The following SERINC5 variants were observed in gnomAD, a reference collection of about 807,000 sequenced individuals.
SERINC5 encodes chromosome 5 open reading frame 12.
A neutral mutation model predicts 63.1 loss-of-function variants in SERINC5; 41 were observed. The ratio of observed to expected loss-of-function variants is 0.65; its 90% confidence interval spans 0.51 to 0.84. SERINC5 has a LOEUF of 0.84. Ranked by LOEUF, SERINC5 falls within the 40% of genes least tolerant of loss-of-function variation. The pLI is 0.00. For synonymous variants in SERINC5, 222 were observed against 215.2 expected (o/e 1.03, Z -0.28); for missense variants, 523 against 573.0 (o/e 0.91, Z 0.89).
chr5:80,158,049 A>C (rs746421880), intron 8 of SERINC5: 3 of 152,186 alleles, frequency 2.0e-5, no homozygotes, highest in Non-Finnish European at 2.9e-5. Flanking sequence ...AATTCAATGG[A>C]ATTGAATTTT....
In SERINC5 at chr5:80,169,328, T is replaced by C. The variant is rs1433615586; in HGVS notation, c.763+7A>G. ...AAGTAACGAAGAATGGAAAAAAACA[T>C]GCTTACGATTTTGGACCCAGGGTGA... On this transcript the variant is annotated splice_region_variant and intron_variant, in intron 6 of 11. Coordinates refer to ENST00000507668, the MANE Select transcript of SERINC5 (RefSeq NM_001174072.3). 4.3e-6 allele frequency: 7 copies of C among 1,610,974 alleles called. No individual in the cohort carries two copies. The African/African-American group carries it at 8.0e-5, about 18-fold the overall frequency.
At chr5:80,153,105 AT>A (rs1228154308) in intron 8 of SERINC5, among the ~76,000 whole-genome samples, 1 of 152,182 alleles carries the variant, frequency 6.6e-6, no homozygotes, top group Non-Finnish European at 1.5e-5. Flanking sequence ...AAAGAACTAC[AT>A]TCAGAGCATC....
intron 1 of SERINC5, among the ~76,000 whole-genome samples, chr5:80,234,182 C>T (rs563495289): frequency 3.2e-4 from 49 of 152,246 alleles, no homozygotes; most frequent in African/African-American, 1.1e-3. Context: ...ATTTCTCCAG[C>T]AATTTTCTTG....
chr5:80,243,088 T>C (rs1023844452), intron 1 of SERINC5, among the ~76,000 whole-genome samples: 3 of 152,228 alleles, frequency 2.0e-5, no homozygotes, highest in African/African-American at 2.4e-5. Context: ...GCTTTTTGTG[T>C]GCTGAGCAGC....
At chr5:80,212,671 G>GGGT (rs371791008) in intron 1 of SERINC5, among the ~76,000 whole-genome samples, 6 of 133,540 alleles carry the variant, frequency 4.5e-5, no homozygotes, top group African/African-American at 1.6e-4. Context: ...GGGGTGGGGG[G>GGGT]GGGGTGTTGG....
intron 2 of SERINC5, among the ~76,000 whole-genome samples, chr5:80,199,082 G>T (rs1209514103): frequency 3.9e-5 from 6 of 152,080 alleles, no homozygotes; most frequent in African/African-American, 1.4e-4. Context: ...CTTCCCACTT[G>T]CCACAGACCA....
At chr5:80,252,058 CTTTTTTT>C (rs3038416) in intron 1 of SERINC5, among the ~76,000 whole-genome samples, 2 of 103,516 alleles carry the variant, frequency 1.9e-5, no homozygotes, top group Non-Finnish European at 1.9e-5. Context: ...TTTTCTTTTC[CTTTTTTT>C]TTTTTTTTTT....
chr5:80,114,113 T>A (rs1323482572), intron 11 of SERINC5, among the ~76,000 whole-genome samples: 1 of 152,014 alleles, frequency 6.6e-6, no homozygotes, highest in Non-Finnish European at 1.5e-5. Context: ...AACAAACAAC[T>A]GAAAGCTAAA....
intron 2 of SERINC5, among the ~76,000 whole-genome samples, chr5:80,190,584 A>T (rs73772299): frequency 0.14 from 21,975 of 152,190 alleles, 1,814 homozygotes; most frequent in South Asian, 0.23. Flanking sequence ...AACAGTTTAA[A>T]AGTTCATGCT....
At chr5:80,232,239 C>A (rs1751477897) in intron 1 of SERINC5, among the ~76,000 whole-genome samples, 3 of 148,662 alleles carry the variant, frequency 2.0e-5, no homozygotes, top group Admixed American at 6.7e-5. Context: ...CCTGTCTCTA[C>A]TAAAAATACA....
intron 1 of SERINC5, among the ~76,000 whole-genome samples, chr5:80,214,400 A>G (rs1750570478): frequency 6.6e-6 from 1 of 152,200 alleles, no homozygotes; most frequent in Non-Finnish European, 1.5e-5. Flanking sequence ...ACAGGTTTCT[A>G]TTTTGGAAGA....
At chr5:80,178,145 C>A (rs1580119524) in intron 2 of SERINC5, 81 bp from the exon 3 acceptor site, 2 of 781,934 alleles carry the variant, frequency 2.6e-6, no homozygotes, top group East Asian at 2.7e-5. Context: ...CAGCCAACCA[C>A]AACATCCACT....
intron 8 of SERINC5, among the ~76,000 whole-genome samples, 190 bp from the exon 9 acceptor site, chr5:80,151,138 A>G (rs373109081): frequency 6.6e-6 from 1 of 152,336 alleles, no homozygotes; most frequent in Admixed American, 6.5e-5. Context: ...TCTATAGTTG[A>G]TATCATTTTA....
intron 6 of SERINC5, 38 bp from the exon 7 acceptor site, chr5:80,166,516 T>C (rs1350326004): frequency 4.9e-6 from 7 of 1,439,566 alleles, no homozygotes; most frequent in Non-Finnish European, 6.7e-6. Flanking sequence ...GGTTTTAATT[T>C]GAAGAAAAAG....
intron 1 of SERINC5, among the ~76,000 whole-genome samples, chr5:80,236,661 G>A (rs983539901): frequency 2.0e-5 from 3 of 151,784 alleles, no homozygotes; most frequent in African/African-American, 4.8e-5. Flanking sequence ...AAGTAGCTGG[G>A]ATTACAGGTG....
chr5:80,163,447 C>T (rs547858466), intron 7 of SERINC5, among the ~76,000 whole-genome samples: 2 of 152,180 alleles, frequency 1.3e-5, no homozygotes, highest in South Asian at 2.1e-4. Context: ...TTTTTCCCCA[C>T]TCAGTATGAT....
downstream of SERINC5, among the ~76,000 whole-genome samples, chr5:80,137,550 G>A (rs1050271486): frequency 1.3e-5 from 2 of 150,614 alleles, no homozygotes. Flanking sequence ...GCTGAGGCAG[G>A]AAAATTGCCT....
At chr5:80,184,376 T>A (rs1748673453) in intron 2 of SERINC5, among the ~76,000 whole-genome samples, 1 of 152,116 alleles carries the variant, frequency 6.6e-6, no homozygotes, top group African/African-American at 2.4e-5. Context: ...TCCCTACCTC[T>A]TTTTTCTTCC....
At chr5:80,224,906 G>T (rs978742712) in intron 1 of SERINC5, among the ~76,000 whole-genome samples, 2 of 148,150 alleles carry the variant, frequency 1.3e-5, no homozygotes, top group African/African-American at 5.0e-5. Context: ...TTACAGGCGT[G>T]AGCCATCACG....
Sources: gnomAD v4.1 joint callset for allele counts (sites outside exome capture counted in the v4.1 genomes callset) on GRCh38, gnomAD v4.1.1 for gene constraint, MANE v1.5 for transcripts, NCBI Gene and HGNC (gene_info 2026-07-23, HGNC 2026-07-21) for gene names.